The following ACTR3C variants were observed in gnomAD, a reference collection of about 807,000 sequenced individuals.
The protein encoded by ACTR3C is actin related protein 3C, also known as actin-related protein 3C.
A neutral mutation model predicts 26.3 loss-of-function variants in ACTR3C; 18 were observed. That is an observed-to-expected ratio of 0.68 (90% CI 0.47 to 1.01). The LOEUF is 1.01. Among genes scored for constraint, ACTR3C ranks in the 50% least tolerant of loss-of-function variants. The pLI, the probability that ACTR3C is intolerant of heterozygous loss-of-function variation, is 0.00. For missense variants in ACTR3C, 184 were observed against 250.7 expected, an observed-to-expected ratio of 0.73 and a Z score of 1.80; for synonymous variants, 55 against 94.5, an observed-to-expected ratio of 0.58 and a Z score of 2.42.
At chr7:150,317,108 A>G (rs1797012170) in intron 1 of ACTR3C, among the ~76,000 whole-genome samples, 1 of 150,504 alleles carries the variant, frequency 6.6e-6, no homozygotes, top group Non-Finnish European at 1.5e-5. Flanking sequence ...CTGTTGTGCA[A>G]TGGCGTGATC....
the ACTR3C span, among the ~76,000 whole-genome samples, chr7:150,134,886 T>C: frequency 6.6e-6 from 1 of 152,222 alleles, no homozygotes; most frequent in Non-Finnish European, 1.5e-5. Context: ...AAAAATTAAA[T>C]GAACACCGGC....
Position 150,282,863 on chromosome 7 carries a change from G to C in ACTR3C, c.564+1890C>G, listed in dbSNP as rs1294114338. 1.4e-4 allele frequency among the ~76,000 whole-genome samples: 21 copies of C among 147,554 alleles called. No individual in the cohort carries two copies. The South Asian group carries it at 3.6e-3, about 25-fold the overall frequency. ...TGCACTCCAGCACGGGCAACAAAAAGAAGAATCCTCTTCCCTCCGCATTTT... is the reference window on the plus strand; with the variant it reads ...TGCACTCCAGCACGGGCAACAAAAACAAGAATCCTCTTCCCTCCGCATTTT... On this transcript the variant is annotated intron_variant, in intron 6 of 7. Transcript: ENST00000683684.
chr7:150,253,706 C>T (rs1465350668), intron 6 of ACTR3C, among the ~76,000 whole-genome samples: 5 of 151,678 alleles, frequency 3.3e-5, no homozygotes, highest in African/African-American at 9.7e-5. Flanking sequence ...TAGTTTATGC[C>T]GTTTTTCTAA....
the ACTR3C span, among the ~76,000 whole-genome samples, chr7:149,953,682 T>C: frequency 6.6e-6 from 1 of 152,212 alleles, no homozygotes; most frequent in East Asian, 1.9e-4. Context: ...ATTCTGAATA[T>C]GGCAGACTCT....
the ACTR3C span, among the ~76,000 whole-genome samples, chr7:150,014,222 G>A: frequency 1.3e-5 from 2 of 152,152 alleles, no homozygotes; most frequent in African/African-American, 2.4e-5. Flanking sequence ...TTGGGAGGTC[G>A]AGGTGGGCGG....
the ACTR3C span, among the ~76,000 whole-genome samples, chr7:150,170,337 C>G: frequency 6.6e-6 from 1 of 150,892 alleles, no homozygotes; most frequent in Non-Finnish European, 1.5e-5. Flanking sequence ...ATCTCTTCAA[C>G]TCTGCCATGT....
chr7:150,012,491 A>G, the ACTR3C span, among the ~76,000 whole-genome samples: 1 of 150,498 alleles, frequency 6.6e-6, no homozygotes, highest in African/African-American at 2.5e-5. Context: ...ATTTTTTTGT[A>G]TTTTTAGTAG....
At chr7:150,136,203 G>T in the ACTR3C span, among the ~76,000 whole-genome samples, 2 of 152,210 alleles carry the variant, frequency 1.3e-5, no homozygotes, top group African/African-American at 4.8e-5. Context: ...CATTTTCACG[G>T]AGCCCTGGTG....
chr7:149,897,669 C>T, the ACTR3C span, among the ~76,000 whole-genome samples: 1 of 152,152 alleles, frequency 6.6e-6, no homozygotes, highest in South Asian at 2.1e-4. Flanking sequence ...AATTCAAGAC[C>T]ACCCTGGCCA....
At chr7:150,199,007 A>G in the ACTR3C span, among the ~76,000 whole-genome samples, 1 of 140,468 alleles carries the variant, frequency 7.1e-6, no homozygotes, top group African/African-American at 2.9e-5. Context: ...CTGCCCGGCC[A>G]GCCGCCCCGT....
chr7:149,883,657 G>A, the ACTR3C span, among the ~76,000 whole-genome samples: 667 of 152,368 alleles, frequency 4.4e-3, 5 homozygotes, highest in Middle Eastern at 0.017. Flanking sequence ...ATTGCTGGGG[G>A]TGGATGGTGC....
the ACTR3C span, among the ~76,000 whole-genome samples, chr7:150,203,644 CA>C: frequency 6.6e-6 from 1 of 152,186 alleles, no homozygotes; most frequent in East Asian, 1.9e-4. Flanking sequence ...CGGCTCACTG[CA>C]ACCTCCACCT....
chr7:150,192,623 G>A, the ACTR3C span, among the ~76,000 whole-genome samples: 5 of 152,186 alleles, frequency 3.3e-5, no homozygotes, highest in Admixed American at 6.5e-5. Context: ...CTTAAATACC[G>A]ACAGAATTCC....
chr7:150,221,967 C>T, the ACTR3C span, among the ~76,000 whole-genome samples: 1 of 146,036 alleles, frequency 6.8e-6, no homozygotes, highest in Non-Finnish European at 1.5e-5. Flanking sequence ...CACTGCACTC[C>T]AGCCTGGGCA....
At chr7:149,975,482 T>A in the ACTR3C span, among the ~76,000 whole-genome samples, 2 of 152,018 alleles carry the variant, frequency 1.3e-5, no homozygotes, top group South Asian at 2.1e-4. Flanking sequence ...AACTACACTC[T>A]GCCTTACGAA....
intron 1 of ACTR3C, among the ~76,000 whole-genome samples, chr7:150,298,601 G>A (rs991161808): frequency 1.1e-4 from 16 of 145,882 alleles, no homozygotes; most frequent in Non-Finnish European, 1.9e-4. Flanking sequence ...AATGTGCTTA[G>A]AGCAGTACTG....
chr7:149,981,916 T>A, the ACTR3C span, among the ~76,000 whole-genome samples: 1 of 152,224 alleles, frequency 6.6e-6, no homozygotes, highest in Non-Finnish European at 1.5e-5. Flanking sequence ...AATAGTTTCT[T>A]ACCTCTCCTT....
chr7:149,965,193 G>C, the ACTR3C span, among the ~76,000 whole-genome samples: 3 of 146,450 alleles, frequency 2.0e-5, no homozygotes, highest in Non-Finnish European at 4.5e-5. Flanking sequence ...ACAAATCAGA[G>C]TTGAAAGGGT....
chr7:150,042,198 T>C, the ACTR3C span, among the ~76,000 whole-genome samples: 119 of 13,770 alleles, frequency 8.6e-3, 21 homozygotes, highest in African/African-American at 0.051. Context: ...TCCCCCCCCC[T>C]GCGATGAGGG....
Sources: gnomAD v4.1 joint callset for allele counts (sites outside exome capture counted in the v4.1 genomes callset) on GRCh38, gnomAD v4.1.1 for gene constraint, MANE v1.5 for transcripts, NCBI Gene and HGNC (gene_info 2026-07-23, HGNC 2026-07-21) for gene names.